NUDCD3: variants seen among roughly 807,000 people sequenced by gnomAD.
NUDCD3 encodes NudC domain containing 3.
NUDCD3 carries 13 observed loss-of-function variants against 39.7 expected under a neutral mutation model. The observed-to-expected ratio is 0.33, with a 90% CI of 0.21 to 0.52. The LOEUF is 0.52. Among genes scored for constraint, NUDCD3 ranks in the 20% least tolerant of loss-of-function variants. NUDCD3 has a pLI of 0.96. For synonymous variants in NUDCD3, 175 were observed against 172.4 expected, an observed-to-expected ratio of 1.02 and a Z score of -0.12; for missense variants, 453 against 458.1, an observed-to-expected ratio of 0.99 and a Z score of 0.10.
chr7:44,387,847 G>C (rs892612813), intron 5 of NUDCD3, among the ~76,000 whole-genome samples: 5 of 152,166 alleles, frequency 3.3e-5, no homozygotes, highest in African/African-American at 1.2e-4. Context: ...CTTATGACCA[G>C]AGACCATGCT....
chr7:44,411,628 A>C (rs536802023), intron 3 of NUDCD3, among the ~76,000 whole-genome samples: 1 of 152,362 alleles, frequency 6.6e-6, no homozygotes, highest in South Asian at 2.1e-4. Context: ...ACCAAAACAG[A>C]CAATAACAAG....
intron 2 of NUDCD3, among the ~76,000 whole-genome samples, chr7:44,476,591 T>G (rs1053450973): frequency 1.3e-5 from 2 of 152,174 alleles, no homozygotes; most frequent in Non-Finnish European, 2.9e-5. Flanking sequence ...ATAGAGGCTG[T>G]CAGCAATAAA....
intron 3 of NUDCD3, among the ~76,000 whole-genome samples, chr7:44,425,070 CTCATAAGTGAGAG>C (rs1281197230): frequency 6.6e-6 from 1 of 152,126 alleles, no homozygotes; most frequent in African/African-American, 2.4e-5. Flanking sequence ...CATGTTCTCA[CTCATAAGTGAGAG>C]TTGAACAATG....
At chr7:44,397,112 G>A (rs1177713013) in intron 4 of NUDCD3, among the ~76,000 whole-genome samples, 4 of 152,140 alleles carry the variant, frequency 2.6e-5, no homozygotes, top group Non-Finnish European at 1.5e-5. Flanking sequence ...AGTCCTCTCA[G>A]CCCGATGCTC....
At chr7:44,426,553 T>C (rs576908344) in intron 3 of NUDCD3, among the ~76,000 whole-genome samples, 11 of 151,948 alleles carry the variant, frequency 7.2e-5, no homozygotes, top group African/African-American at 2.7e-4. Context: ...TCCCAGCACT[T>C]TGGGAGGCCG....
chr7:44,474,348 C>G (rs936531787), intron 2 of NUDCD3, among the ~76,000 whole-genome samples: 1 of 152,116 alleles, frequency 6.6e-6, no homozygotes, highest in East Asian at 1.9e-4. Context: ...GCAAATAAAT[C>G]CTCAGTTAGT....
intron 2 of NUDCD3, among the ~76,000 whole-genome samples, chr7:44,454,944 C>A (rs1376314532): frequency 6.6e-6 from 1 of 151,654 alleles, no homozygotes; most frequent in Admixed American, 6.6e-5. Context: ...AAAACACACA[C>A]ACACACACAC....
intron 1 of NUDCD3, among the ~76,000 whole-genome samples, chr7:44,489,412 G>A (rs1327418353): frequency 1.3e-5 from 2 of 152,204 alleles, no homozygotes; most frequent in Non-Finnish European, 2.9e-5. Context: ...TTTGGCTTCT[G>A]CTGAGGAAAG....
intron 2 of NUDCD3, among the ~76,000 whole-genome samples, chr7:44,448,012 C>T (rs1053156762): frequency 1.3e-5 from 2 of 152,218 alleles, no homozygotes; most frequent in African/African-American, 4.8e-5. Flanking sequence ...CACCCCAGTT[C>T]TTCAGGCTGT....
At chr7:44,438,460 T>C (rs1473961472) in intron 2 of NUDCD3, among the ~76,000 whole-genome samples, 1 of 152,192 alleles carries the variant, frequency 6.6e-6, no homozygotes, top group Non-Finnish European at 1.5e-5. Context: ...GGAAGCTTTC[T>C]AATTCATCCA....
At chr7:44,434,532 T>C (rs1293169569) in intron 2 of NUDCD3, among the ~76,000 whole-genome samples, 1 of 152,194 alleles carries the variant, frequency 6.6e-6, no homozygotes, top group Non-Finnish European at 1.5e-5. Context: ...TCTAAGTTCA[T>C]GCTTCTTTAC....
At chr7:44,443,914 C>T (rs1170020794) in intron 2 of NUDCD3, among the ~76,000 whole-genome samples, 2 of 152,170 alleles carry the variant, frequency 1.3e-5, no homozygotes, top group Non-Finnish European at 2.9e-5. Flanking sequence ...TCTCATTATA[C>T]TCTGAAATGC....
At chr7:44,466,227 C>T (rs981954386) in intron 2 of NUDCD3, among the ~76,000 whole-genome samples, 4 of 152,168 alleles carry the variant, frequency 2.6e-5, no homozygotes, top group Admixed American at 1.3e-4. Context: ...ATCCCATCCC[C>T]TGAGCCACCC....
rs143176217 is a variant in NUDCD3, at chr7:44,420,900, A to G, written c.642+6671T>C. 6.8e-3 allele frequency among the ~76,000 whole-genome samples: 1,033 copies of G among 152,376 alleles called. 11 individuals carry two copies. The highest frequency in any genetic ancestry group is 0.023 in the African/African-American group (976 of 41,590). Reference sequence around the variant, plus strand: ...GTACCAGCCACTGCAAAAACATACCAAAATATAAAGACCAACAACACTATG... The same window carrying G: ...GTACCAGCCACTGCAAAAACATACCGAAATATAAAGACCAACAACACTATG... On this transcript the variant is annotated intron_variant, in intron 3 of 5. Coordinates refer to ENST00000355451, the MANE Select transcript of NUDCD3 (RefSeq NM_015332.4).
At chr7:44,404,684 C>A (rs1254714946) in intron 3 of NUDCD3, 101 bp from the exon 4 acceptor site, 1 of 1,246,794 alleles carries the variant, frequency 8.0e-7, no homozygotes, top group Non-Finnish European at 1.1e-6. Context: ...TGACTGCACA[C>A]TACAGCGCTG....
intron 2 of NUDCD3, among the ~76,000 whole-genome samples, chr7:44,435,061 G>A (rs970448691): frequency 4.6e-5 from 7 of 152,104 alleles, no homozygotes; most frequent in Non-Finnish European, 8.8e-5. Context: ...GGAGAGAGAA[G>A]TTATGTCTTT....
At chr7:44,394,144 C>T (rs1226770319) in intron 4 of NUDCD3, among the ~76,000 whole-genome samples, 1 of 152,156 alleles carries the variant, frequency 6.6e-6, no homozygotes, top group Non-Finnish European at 1.5e-5. Context: ...CTGGGAAGAG[C>T]AAGACAAAAA....
At chr7:44,455,139 T>C (rs1416902360) in intron 2 of NUDCD3, among the ~76,000 whole-genome samples, 1 of 152,092 alleles carries the variant, frequency 6.6e-6, no homozygotes, top group Non-Finnish European at 1.5e-5. Context: ...TGTAAGATGC[T>C]GACTCCCAAA....
At chr7:44,467,593 G>A (rs562883600) in intron 2 of NUDCD3, among the ~76,000 whole-genome samples, 1 of 152,156 alleles carries the variant, frequency 6.6e-6, no homozygotes, top group East Asian at 1.9e-4. Context: ...TTGAGGCCCG[G>A]CAGGGACGAG....
Sources: allele counts gnomAD v4.1 joint callset (sites outside exome capture counted in the v4.1 genomes callset), GRCh38; gene constraint gnomAD v4.1.1; transcripts MANE v1.5; gene names NCBI Gene and HGNC (gene_info 2026-07-23, HGNC 2026-07-21).